The following KLHL29 variants were observed in gnomAD, a reference collection of about 807,000 sequenced individuals.
KLHL29 encodes the protein kelch like family member 29.
Under a neutral mutation model 80.4 loss-of-function variants are expected in KLHL29, and 21 were observed. That is an observed-to-expected ratio of 0.26 (90% confidence interval 0.19 to 0.38). KLHL29 has a LOEUF of 0.38. Among genes scored for constraint, KLHL29 ranks in the 10% least tolerant of loss-of-function variants. KLHL29 has a pLI of 1.00. For missense variants in KLHL29, 867 were observed against 1,223.9 expected, an observed-to-expected ratio of 0.71 and a Z score of 4.35; for synonymous variants, 511 against 526.8, an observed-to-expected ratio of 0.97 and a Z score of 0.41.
intron 2 of KLHL29, among the ~76,000 whole-genome samples, chr2:23,547,243 C>T (rs539621386): frequency 6.6e-6 from 1 of 152,302 alleles, no homozygotes; most frequent in Non-Finnish European, 1.5e-5. Flanking sequence ...GGAGGCAAAA[C>T]CAGAGAAGGG....
chr2:23,406,173 CA>C (rs1218423838), intron 1 of KLHL29, among the ~76,000 whole-genome samples: 6 of 151,906 alleles, frequency 3.9e-5, no homozygotes, highest in African/African-American at 1.5e-4. Flanking sequence ...TACTAAAATA[CA>C]AAAATTAATC....
chr2:23,388,853 CT>C (rs1666247212), intron 1 of KLHL29, among the ~76,000 whole-genome samples: 4 of 147,074 alleles, frequency 2.7e-5, no homozygotes, highest in African/African-American at 1.0e-4. Context: ...TTTTTTTTTT[CT>C]TTCTTTCAGC....
chr2:23,666,239 T>C (rs1162155207), intron 5 of KLHL29, among the ~76,000 whole-genome samples: 1 of 152,130 alleles, frequency 6.6e-6, no homozygotes, highest in African/African-American at 2.4e-5. Context: ...ATGCAGCAAC[T>C]AGAGAAATCA....
chr2:23,464,140 A>T (rs1461455685), intron 1 of KLHL29, among the ~76,000 whole-genome samples: 1 of 152,228 alleles, frequency 6.6e-6, no homozygotes, highest in Non-Finnish European at 1.5e-5. Flanking sequence ...CAGTGATTAC[A>T]TGGGGGTGGA....
intron 2 of KLHL29, among the ~76,000 whole-genome samples, chr2:23,547,736 G>A (rs1052127079): frequency 4.6e-5 from 7 of 151,732 alleles, no homozygotes; most frequent in Non-Finnish European, 5.9e-5. Context: ...AAGAAGTAGC[G>A]GGAGGAAAAG....
intron 1 of KLHL29, among the ~76,000 whole-genome samples, chr2:23,411,924 T>C (rs930735339): frequency 1.3e-5 from 2 of 152,168 alleles, no homozygotes; most frequent in South Asian, 2.1e-4. Context: ...CATGTTGTCA[T>C]TGGAATGACT....
intron 1 of KLHL29, among the ~76,000 whole-genome samples, chr2:23,425,395 G>C (rs977717468): frequency 6.6e-6 from 1 of 152,188 alleles, no homozygotes; most frequent in African/African-American, 2.4e-5. Context: ...GCCTGCTAAG[G>C]AATGTATGGC....
intron 1 of KLHL29, among the ~76,000 whole-genome samples, chr2:23,405,626 G>A (rs535374435): frequency 1.8e-4 from 27 of 152,262 alleles, no homozygotes; most frequent in African/African-American, 6.5e-4. Context: ...GACCAACAAT[G>A]TTGGCACCAG....
intron 2 of KLHL29, among the ~76,000 whole-genome samples, chr2:23,559,805 A>T (rs1264663255): frequency 6.6e-6 from 1 of 151,994 alleles, no homozygotes; most frequent in African/African-American, 2.4e-5. Flanking sequence ...GGATGGAGGG[A>T]TGAGATCATC....
rs551587893 is a variant in KLHL29, at chr2:23,573,824, T to A, written c.285+11343T>A. On this transcript the variant is annotated intron_variant, in intron 3 of 13. Coordinates refer to ENST00000486442, the MANE Select transcript of KLHL29 (RefSeq NM_052920.2). ...ACCGTTGGGCCTTAAAGCCCCGGCC[T>A]CTCTTTCTTTCTGAGGGTTTCTTGT... Among the ~76,000 whole-genome samples the A allele has an allele frequency of 2.6e-5, 4 of 152,320 alleles. No individual in the cohort carries two copies. In the South Asian group the frequency reaches 8.3e-4, roughly 32 times the overall value.
intron 3 of KLHL29, among the ~76,000 whole-genome samples, chr2:23,582,165 A>C (rs1668004376): frequency 6.6e-6 from 1 of 152,316 alleles, no homozygotes; most frequent in East Asian, 1.9e-4. Context: ...CCACAAAATG[A>C]AGAAGAAAAA....
At chr2:23,468,256 C>A (rs967064519) in intron 1 of KLHL29, among the ~76,000 whole-genome samples, 1 of 152,182 alleles carries the variant, frequency 6.6e-6, no homozygotes, top group Admixed American at 6.5e-5. Context: ...GATTATAAAT[C>A]TTCCATGCTC....
intron 2 of KLHL29, among the ~76,000 whole-genome samples, chr2:23,560,015 G>T (rs192345870): frequency 3.3e-5 from 5 of 152,292 alleles, no homozygotes; most frequent in Non-Finnish European, 7.3e-5. Context: ...GCAAGTGAGG[G>T]AAGTTGAGGA....
intron 1 of KLHL29, among the ~76,000 whole-genome samples, chr2:23,475,302 C>T (rs1408899295): frequency 7.0e-6 from 1 of 143,356 alleles, no homozygotes; most frequent in Non-Finnish European, 1.5e-5. Flanking sequence ...TCATATCTGC[C>T]ACTCGGAGTA....
intron 1 of KLHL29, among the ~76,000 whole-genome samples, chr2:23,438,919 G>A (rs980733835): frequency 1.1e-4 from 16 of 146,106 alleles, no homozygotes; most frequent in South Asian, 2.3e-4. Context: ...GGTAGAATTT[G>A]GCTGTGAATC....
chr2:23,532,681 G>A (rs1007799663), intron 2 of KLHL29: 1 of 456,538 alleles, frequency 2.2e-6, no homozygotes, highest in Non-Finnish European at 4.4e-6. Flanking sequence ...AGAGGCCTGT[G>A]GTTTGGGGTC....
intron 1 of KLHL29, among the ~76,000 whole-genome samples, chr2:23,447,333 C>T (rs1163190125): frequency 6.6e-6 from 1 of 152,180 alleles, no homozygotes; most frequent in African/African-American, 2.4e-5. Context: ...TGTGCATGGG[C>T]CACACCACCT....
rs534132482 is a variant in KLHL29 at position 23,663,002 on chromosome 2, TG to T, written c.940+20157del. On this transcript the variant is annotated intron_variant, in intron 5 of 13. Coordinates refer to ENST00000486442, the MANE Select transcript of KLHL29 (RefSeq NM_052920.2). ...CGCCTCATTTTCCTGGCCTGTACAA[TG>T]GGGGCAATCTGTCATAGAGCTGCCC... Among the ~76,000 whole-genome samples, 53 of 152,232 alleles carry T rather than the reference TG, an allele frequency of 3.5e-4. 1 individual carries two copies. The South Asian group carries it at 3.5e-3, about 10-fold the overall frequency.
In KLHL29 at chr2:23,698,361, A is replaced by C. The variant is rs574880731; in HGVS notation, c.2105+1848A>C. ...CAAGTGGGTTGGAGGGTGCAGGGGA[A>C]GGAACGCTCACTGCTTTCCAAGAAG... On this transcript the variant is annotated intron_variant, in intron 11 of 13. Coordinates refer to ENST00000486442, the MANE Select transcript of KLHL29 (RefSeq NM_052920.2). Among the ~76,000 whole-genome samples, 3 of 152,350 alleles carry C rather than the reference A, an allele frequency of 2.0e-5. No individual in the cohort carries two copies. In the East Asian group the frequency reaches 5.8e-4, roughly 29 times the overall value.
Sources: allele counts gnomAD v4.1 joint callset (sites outside exome capture counted in the v4.1 genomes callset), GRCh38; gene constraint gnomAD v4.1.1; transcripts MANE v1.5; gene names NCBI Gene and HGNC (gene_info 2026-07-23, HGNC 2026-07-21).